The following OR3A2 variants were observed in gnomAD, a reference collection of about 807,000 sequenced individuals.
The protein encoded by OR3A2 is olfactory receptor family 3 subfamily A member 2, also known as olfactory receptor 3A2.
For missense variants in OR3A2, 318 were observed against 392.8 expected (o/e 0.81, Z 1.61); for synonymous variants, 126 against 159.3 (o/e 0.79, Z 1.57).
chr17:3,324,620 T>C (rs574439303), intron 3 of OR3A2, among the ~76,000 whole-genome samples: 3 of 152,210 alleles, frequency 2.0e-5, no homozygotes, highest in African/African-American at 7.2e-5. Context: ...TTGCTAGAGG[T>C]CCACTCCAGA....
chr17:3,282,714 T>C (rs1567541036), intron 1 of OR3A2, among the ~76,000 whole-genome samples: 1 of 152,248 alleles, frequency 6.6e-6, no homozygotes, highest in African/African-American at 2.4e-5. Context: ...TGGTAACTGA[T>C]AATGCTTTGC....
chr17:3,304,113 C>A (rs986286527), intron 3 of OR3A2, among the ~76,000 whole-genome samples: 1 of 151,876 alleles, frequency 6.6e-6, no homozygotes, highest in Non-Finnish European at 1.5e-5. Context: ...TGAGACAACA[C>A]TCTTTGTAGG....
chr17:3,293,372 A>G (rs2150622738), intron 3 of OR3A2, among the ~76,000 whole-genome samples: 1 of 152,300 alleles, frequency 6.6e-6, no homozygotes, highest in South Asian at 2.1e-4. Flanking sequence ...AAAATACATC[A>G]GTTCTAACAG....
exon 2 of OR3A2, chr17:3,277,790 T>TTA (rs2048748630): frequency 1.5e-6 from 1 of 662,184 alleles, no homozygotes; most frequent in African/African-American, 1.8e-5. Context: ...GGTACTCTAA[T>TTA]AAGTATTTGT....
chr17:3,325,857 C>T (rs541548835), intron 3 of OR3A2, among the ~76,000 whole-genome samples: 3 of 151,968 alleles, frequency 2.0e-5, no homozygotes, highest in Non-Finnish European at 4.4e-5. Context: ...TAGATGTGTG[C>T]CATGGTGGGT....
intron 2 of OR3A2, among the ~76,000 whole-genome samples, chr17:3,337,763 G>A (rs1263874028): frequency 2.0e-5 from 3 of 152,212 alleles, no homozygotes; most frequent in African/African-American, 7.2e-5. Flanking sequence ...ATAGCAGCAT[G>A]ATTTATAGTC....
At position 3,326,360 on chromosome 17, in the gene OR3A2, G is replaced by T. The variant is rs535710955; in HGVS notation, c.-85+9673C>A. Among the ~76,000 whole-genome samples, 10 of 152,116 alleles carry T rather than the reference G, an allele frequency of 6.6e-5. No homozygotes were observed. In the South Asian group the frequency reaches 1.5e-3, roughly 22 times the overall value. On this transcript the variant is annotated intron_variant, in intron 3 of 4. Coordinates refer to the OR3A2 transcript ENST00000573491. ...ACCCCAAACTATAAAAACCATAGAA[G>T]AAAATCTAGGCAATACCATTCAGAA...
At chr17:3,347,207 T>G (rs555837370) in intron 2 of OR3A2, among the ~76,000 whole-genome samples, 1 of 150,276 alleles carries the variant, frequency 6.7e-6, no homozygotes, top group Admixed American at 6.7e-5. Context: ...TTGAGTACCT[T>G]TTCATATGTC....
chr17:3,316,206 A>G (rs985077101), intron 3 of OR3A2, among the ~76,000 whole-genome samples: 2 of 152,234 alleles, frequency 1.3e-5, no homozygotes, highest in Non-Finnish European at 2.9e-5. Flanking sequence ...ATATAAGTCC[A>G]TGGATTCCTG....
chr17:3,278,546 G>T lies in OR3A2; in HGVS notation c.372C>A (p.Asp124Glu), dbSNP rs199713361. The T allele has an allele frequency of 8.6e-4, 1,387 of 1,612,868 alleles. 11 individuals are homozygous for T. The highest frequency in any genetic ancestry group is 9.7e-4 in the Admixed American group (58 of 59,870). ...GGGGCTGGCAGATGGCCAGGAGTCGGTCATAGGCCATGGCGGTCAGCAGGA... is the reference window on the plus strand; with the variant it reads ...GGGGCTGGCAGATGGCCAGGAGTCGTTCATAGGCCATGGCGGTCAGCAGGA... The change falls in exon 2 of 2, where the codon GAC becomes GAA. Residue 124 changes from aspartate (D) to glutamate (E), a missense_variant. Physicochemically the swap from Asp to Glu is conservative, Grantham distance 45 (BLOSUM62 2). Coordinates refer to ENST00000642052, the Ensembl canonical transcript of OR3A2.
At chr17:3,347,502 T>C (rs982137728) in intron 2 of OR3A2, among the ~76,000 whole-genome samples, 21 of 152,186 alleles carry the variant, frequency 1.4e-4, no homozygotes, top group African/African-American at 4.8e-4. Context: ...GTGTTTGGTT[T>C]TTTGTTCTTG....
Position 3,351,191 on chromosome 17 carries a change from G to A in OR3A2, c.-178-15065C>T, listed in dbSNP as rs1008562925. On this transcript the variant is annotated intron_variant, in intron 2 of 4. Coordinates refer to the OR3A2 transcript ENST00000573491. ...TGGAAGTTCTGGCCAGGGCAATTAG[G>A]CAGGAGAAGGAAATAAAGGGTATTC... Among the ~76,000 whole-genome samples, 14 of 146,080 alleles carry A rather than the reference G, an allele frequency of 9.6e-5. 1 individual carries two copies. The highest frequency in any genetic ancestry group is 3.0e-4 in the African/African-American group (12 of 39,834).
intron 2 of OR3A2, among the ~76,000 whole-genome samples, chr17:3,371,996 TGCCGGGCAGAGGG>T (rs2049631459): frequency 3.3e-5 from 3 of 89,994 alleles, no homozygotes; most frequent in Non-Finnish European, 6.6e-5. Flanking sequence ...ACGGGGTGGC[TGCCGGGCAGAGGG>T]GCTCCTCACT....
chr17:3,279,712 C>T (rs548971585), intron 1 of OR3A2, among the ~76,000 whole-genome samples: 5 of 152,250 alleles, frequency 3.3e-5, no homozygotes, highest in African/African-American at 4.8e-5. Flanking sequence ...CGCTTGAACC[C>T]GAGACGTGGA....
chr17:3,332,322 T>C (rs1272001561), intron 3 of OR3A2, among the ~76,000 whole-genome samples: 1 of 152,212 alleles, frequency 6.6e-6, no homozygotes, highest in Non-Finnish European at 1.5e-5. Context: ...CGCTGCCGCC[T>C]TGCAGTTTGA....
At chr17:3,324,639 G>C (rs1454997388) in intron 3 of OR3A2, among the ~76,000 whole-genome samples, 1 of 152,102 alleles carries the variant, frequency 6.6e-6, no homozygotes, top group African/African-American at 2.4e-5. Flanking sequence ...GACCCTGTTT[G>C]CCTGGGTATC....
intron 3 of OR3A2, among the ~76,000 whole-genome samples, chr17:3,308,349 C>A (rs919661521): frequency 3.9e-5 from 6 of 152,044 alleles, no homozygotes; most frequent in African/African-American, 1.2e-4. Flanking sequence ...GCTGGGCCGG[C>A]GGGACTGTCC....
At chr17:3,346,755 G>C (rs148824010) in intron 2 of OR3A2, among the ~76,000 whole-genome samples, 1 of 151,440 alleles carries the variant, frequency 6.6e-6, no homozygotes, top group Non-Finnish European at 1.5e-5. Flanking sequence ...CAATTGTTTT[G>C]ATTTTTAGAT....
chr17:3,370,742 T>C (rs2049608169), intron 2 of OR3A2, among the ~76,000 whole-genome samples: 1 of 151,394 alleles, frequency 6.6e-6, no homozygotes, highest in African/African-American at 2.4e-5. Context: ...TGAACAAAGG[T>C]CTCTGGTTTT....
Sources: allele counts gnomAD v4.1 joint callset (sites outside exome capture counted in the v4.1 genomes callset), GRCh38; gene constraint gnomAD v4.1.1; transcripts MANE v1.5; gene names NCBI Gene and HGNC (gene_info 2026-07-23, HGNC 2026-07-21).